Variants in PDIA5 observed in about 807,000 individuals in gnomAD.
The protein encoded by PDIA5 is protein disulfide-isomerase A5.
PDIA5 carries 58 observed loss-of-function variants against 77.6 expected under a neutral mutation model. The observed-to-expected ratio is 0.75, with a 90% confidence interval of 0.61 to 0.93. The LOEUF is 0.93. Among genes scored for constraint, PDIA5 ranks in the 40% least tolerant of loss-of-function variants. PDIA5 has a pLI of 0.00. For synonymous variants in PDIA5, 250 were observed against 252.1 expected (o/e 0.99, Z 0.08); for missense variants, 630 against 647.7 (o/e 0.97, Z 0.30).
At chr3:123,079,012 G>A (rs1933924360) in intron 1 of PDIA5, among the ~76,000 whole-genome samples, 2 of 152,004 alleles carry the variant, frequency 1.3e-5, no homozygotes, top group South Asian at 4.2e-4. Flanking sequence ...CCAAGTGGTG[G>A]TAATTTTTTT....
chr3:123,094,781 G>A (rs1934390497), intron 3 of PDIA5, among the ~76,000 whole-genome samples: 1 of 152,216 alleles, frequency 6.6e-6, no homozygotes, highest in African/African-American at 2.4e-5. Flanking sequence ...GCCAGAGCTT[G>A]CCTCCCTCAA....
At chr3:123,123,721 G>GAT (rs1490064639) in intron 8 of PDIA5, among the ~76,000 whole-genome samples, 1 of 152,262 alleles carries the variant, frequency 6.6e-6, no homozygotes, top group Non-Finnish European at 1.5e-5. Context: ...ATCCTTGGCA[G>GAT]TGGCCCCTCT....
chr3:123,135,770 CT>C (rs1386109264), intron 11 of PDIA5, among the ~76,000 whole-genome samples: 1 of 55,584 alleles, frequency 1.8e-5, no homozygotes, highest in Non-Finnish European at 3.6e-5. Flanking sequence ...TTTTTTTTTA[CT>C]TTTTGGCATC....
At position 123,161,355 on chromosome 3, in the gene PDIA5, A is replaced by G; in HGVS notation, c.1379A>G (p.Lys460Arg). The G allele has an allele frequency of 6.2e-7, 1 of 1,614,204 alleles. No individual in the cohort carries two copies. The highest frequency in any genetic ancestry group is 8.5e-7 in the Non-Finnish European group (1 of 1,180,022). ...GCCGCTGTTGACTGTGTCAAAGACA[A>G]GAACCAAGACCTGTGCCAGCAGGAG... ...ACAAVDCVKD[K>R]NQDLCQQEAV... The change falls in exon 16 of 17, where the codon AAG (lysine) becomes AGG (arginine). Residue 460 changes from lysine (K) to arginine (R), a missense_variant. Lys to Arg is a conservative substitution (Grantham distance 26). Coordinates refer to ENST00000316218, the MANE Select transcript of PDIA5 (RefSeq NM_006810.4).
chr3:123,113,326 C>T (rs777544440), intron 7 of PDIA5, among the ~76,000 whole-genome samples: 17 of 152,152 alleles, frequency 1.1e-4, no homozygotes, highest in Admixed American at 7.9e-4. Flanking sequence ...AGTTTGCGCC[C>T]GTGTGCTGTG....
intron 1 of PDIA5, 151 bp from the exon 2 acceptor site, chr3:123,089,016 AG>A (rs1245008931): frequency 1.5e-6 from 1 of 653,818 alleles, no homozygotes; most frequent in Admixed American, 2.9e-5. Context: ...GTGTCCCTAG[AG>A]GTGAAGAAGT....
rs557830649 is a variant in PDIA5, at chr3:123,115,166, C to A, written c.542-1065C>A. Among the ~76,000 whole-genome samples the A allele has an allele frequency of 2.0e-5, 3 of 152,280 alleles. No homozygotes were observed. The East Asian group carries it at 5.8e-4, about 29-fold the overall frequency. On this transcript the variant is annotated intron_variant, in intron 7 of 16. Transcript: ENST00000316218. The stretch of plus-strand genomic sequence containing the variant: ...CACATGGTTCCAGGCAGCTTTGGTT[C>A]TGTGCTCTTCAGATGCATCTTAAGC...
At chr3:123,093,345 G>A (rs1934347244) in intron 3 of PDIA5, among the ~76,000 whole-genome samples, 1 of 152,128 alleles carries the variant, frequency 6.6e-6, no homozygotes, top group Non-Finnish European at 1.5e-5. Flanking sequence ...CCAGGCAGTA[G>A]GTGAGATCTT....
intron 11 of PDIA5, among the ~76,000 whole-genome samples, chr3:123,132,645 A>G (rs1174878887): frequency 1.3e-5 from 2 of 152,234 alleles, no homozygotes; most frequent in Non-Finnish European, 2.9e-5. Context: ...GCCAGGTAGC[A>G]CTGCAGTGCT....
intron 1 of PDIA5, chr3:123,067,595 G>A (rs1576427733): frequency 4.4e-6 from 1 of 229,608 alleles, no homozygotes; most frequent in South Asian, 1.8e-4. Flanking sequence ...GGGTGGGATG[G>A]GGGTGCTTAC....
intron 13 of PDIA5, among the ~76,000 whole-genome samples, chr3:123,147,428 T>G (rs1382142126): frequency 1.3e-5 from 2 of 152,144 alleles, no homozygotes; most frequent in African/African-American, 4.8e-5. Flanking sequence ...ACCTATACGG[T>G]CTGAGCTACT....
chr3:123,146,271 G>T lies in PDIA5; in HGVS notation c.1142+12G>T, dbSNP rs373045417. The T allele has an allele frequency of 1.3e-5, 21 of 1,611,388 alleles. No individual in the cohort carries two copies. Among genetic ancestry groups the T allele is most frequent in the Non-Finnish European group, 1.6e-5 (19 of 1,178,078 alleles). On this transcript the variant is annotated intron_variant, in intron 13 of 16. Coordinates refer to ENST00000316218, the MANE Select transcript of PDIA5 (RefSeq NM_006810.4). Reference sequence around the variant, plus strand: ...GAGTGGATGCAAAAGTAAGTGTTACGATCTCAGTAGCACATCCTAACTGCC... The same window carrying T: ...GAGTGGATGCAAAAGTAAGTGTTACTATCTCAGTAGCACATCCTAACTGCC...
chr3:123,104,553 G>T (rs537405783), intron 5 of PDIA5, among the ~76,000 whole-genome samples: 5 of 152,274 alleles, frequency 3.3e-5, no homozygotes, highest in African/African-American at 4.8e-5. Context: ...GGTCACAGAC[G>T]CTGTGCCACG....
chr3:123,149,032 C>A (rs1935827937), intron 13 of PDIA5, among the ~76,000 whole-genome samples: 1 of 152,192 alleles, frequency 6.6e-6, no homozygotes, highest in South Asian at 2.1e-4. Flanking sequence ...GCAGAAAGGT[C>A]AGATGAGTGG....
chr3:123,151,394 G>A (rs1444969300), intron 14 of PDIA5, among the ~76,000 whole-genome samples: 3 of 152,248 alleles, frequency 2.0e-5, no homozygotes, highest in Admixed American at 2.0e-4. Context: ...CAAGGCCATG[G>A]GGCAAGTTAG....
At chr3:123,124,042 C>A (rs370535679) in intron 8 of PDIA5, 24 bp from the exon 9 acceptor site, 4 of 1,534,418 alleles carry the variant, frequency 2.6e-6, no homozygotes, top group Non-Finnish European at 3.6e-6. Context: ...AGGCTCCACA[C>A]GGCTCTTCTC....
At chr3:123,130,279 C>T (rs575189177) in intron 10 of PDIA5, among the ~76,000 whole-genome samples, 97 of 152,204 alleles carry the variant, frequency 6.4e-4, no homozygotes, top group Non-Finnish European at 1.1e-3. Flanking sequence ...TGGGGCTTTG[C>T]GGGGAAGGTG....
chr3:123,143,275 C>G (rs1560552134), intron 11 of PDIA5, among the ~76,000 whole-genome samples: 1 of 151,690 alleles, frequency 6.6e-6, no homozygotes, highest in African/African-American at 2.4e-5. Flanking sequence ...GTCCCAGCTA[C>G]TCGGGAGGCT....
At chr3:123,151,709 T>A (rs1935896490) in intron 14 of PDIA5, among the ~76,000 whole-genome samples, 1 of 151,374 alleles carries the variant, frequency 6.6e-6, no homozygotes, top group Non-Finnish European at 1.5e-5. Flanking sequence ...CCTTTTGGGC[T>A]GCCAAAGATC....
Sources: allele counts gnomAD v4.1 joint callset (sites outside exome capture counted in the v4.1 genomes callset), GRCh38; gene constraint gnomAD v4.1.1; transcripts MANE v1.5; gene names NCBI Gene and HGNC (gene_info 2026-07-23, HGNC 2026-07-21).